Variants in CRNKL1 observed in about 807,000 individuals in gnomAD.
The protein encoded by CRNKL1 is crooked neck-like protein 1.
A neutral mutation model predicts 103.7 loss-of-function variants in CRNKL1; 35 were observed. The ratio of observed to expected loss-of-function variants is 0.34; its 90% CI spans 0.26 to 0.45. The LOEUF (loss-of-function observed/expected upper bound fraction) is 0.45, where lower values mean the gene tolerates loss of function less well. CRNKL1 is among the 20% of genes least tolerant of loss of function. CRNKL1 has a pLI of 1.00. For synonymous variants in CRNKL1, 267 were observed against 282.6 expected (o/e 0.94, Z 0.55); for missense variants, 645 against 836.0 (o/e 0.77, Z 2.82).
chr20:20,040,345 G>GA (rs1243391748), intron 10 of CRNKL1, among the ~76,000 whole-genome samples: 3 of 142,054 alleles, frequency 2.1e-5, no homozygotes, highest in Admixed American at 7.0e-5. Flanking sequence ...AAAAAAAAAA[G>GA]AAAAAAAAAG....
intron 9 of CRNKL1, among the ~76,000 whole-genome samples, chr20:20,041,044 G>A (rs2043505043): frequency 6.6e-6 from 1 of 152,168 alleles, no homozygotes; most frequent in Non-Finnish European, 1.5e-5. Flanking sequence ...TGTATGGCAC[G>A]GTAGCCTCTG....
intron 8 of CRNKL1, 95 bp downstream of exon 8, chr20:20,042,230 C>A: frequency 8.6e-7 from 1 of 1,166,552 alleles, no homozygotes; most frequent in South Asian, 2.0e-5. Context: ...ACTAAATTTC[C>A]TTCTTTCAAG....
At chr20:20,049,852 C>T (rs1404321269) in intron 2 of CRNKL1, among the ~76,000 whole-genome samples, 3 of 150,778 alleles carry the variant, frequency 2.0e-5, no homozygotes, top group Non-Finnish European at 4.4e-5. Flanking sequence ...AAGTCTTGCT[C>T]TGTCGCCCAG....
At chr20:20,047,988 G>A (rs1600252309) in intron 4 of CRNKL1, 57 bp from the exon 5 acceptor site, 2 of 1,532,684 alleles carry the variant, frequency 1.3e-6, no homozygotes, top group East Asian at 2.3e-5. Context: ...ATTGTTGAAT[G>A]GGAAGAAGAT....
rs2043405737 is a variant in CRNKL1, at chr20:20,035,505, G to A, written c.*690C>T. ...TTAGACTAAATTCTTAGTAAACAAT[G>A]TTTTCTGAACCTTGTTCAGAAATAT... On this transcript the variant is annotated 3_prime_UTR_variant, in exon 14 of 14. Coordinates refer to ENST00000536226, the MANE Select transcript of CRNKL1 (RefSeq NM_001278628.2). 6.6e-6 allele frequency: 1 copy of A among 152,154 alleles called. No individual in the cohort carries two copies. Among genetic ancestry groups the A allele is most frequent in the South Asian group, 2.1e-4 (1 of 4,828 alleles). 9.4% of individuals were successfully genotyped at this position (152,154 alleles called of 1,614,324 possible). A position where few individuals can be genotyped will look rare whatever the true frequency, so the allele number is the denominator to read the frequency against.
intron 1 of CRNKL1, among the ~76,000 whole-genome samples, chr20:20,050,908 G>A (rs2146506439): frequency 6.6e-6 from 1 of 152,322 alleles, no homozygotes; most frequent in African/African-American, 2.4e-5. Flanking sequence ...AATAAACTTT[G>A]AGGCCGTCTA....
Position 20,039,528 on chromosome 20 carries a change from T to G in CRNKL1, c.1545+81A>C. ...GTTAGATCATCGTTATACTCTAAAA[T>G]ACACCCACATTTAGATGGTCATCTA... On this transcript the variant is annotated intron_variant, in intron 11 of 13. Coordinates refer to ENST00000536226, the MANE Select transcript of CRNKL1 (RefSeq NM_001278628.2). 2.0e-6 allele frequency: 3 copies of G among 1,511,082 alleles called. No individual in the cohort carries two copies. The South Asian group carries it at 3.6e-5, about 18-fold the overall frequency. 93.6% of individuals were successfully genotyped at this position (1,511,082 alleles called of 1,614,324 possible). A position where few individuals can be genotyped will look rare whatever the true frequency, so the allele number is the denominator to read the frequency against.
chr20:20,039,418 G>T (rs906700659), intron 11 of CRNKL1, among the ~76,000 whole-genome samples, 191 bp downstream of exon 11: 7 of 152,100 alleles, frequency 4.6e-5, no homozygotes, highest in Non-Finnish European at 8.8e-5. Context: ...TACTGCTCTG[G>T]TATCTAATGA....
chr20:20,049,267 TTTC>T (rs947669883), intron 3 of CRNKL1, 70 bp downstream of exon 3: 13 of 916,108 alleles, frequency 1.4e-5, no homozygotes, highest in African/African-American at 3.3e-5. Context: ...GCTTTAACTT[TTTC>T]TTCTTTTCTT....
chr20:20,037,402 G>A lies in CRNKL1; in HGVS notation c.1817C>T (p.Thr606Ile), dbSNP rs1476717035. 1.2e-6 allele frequency: 2 copies of A among 1,613,994 alleles called. No individual in the cohort carries two copies. The highest frequency in any genetic ancestry group is 2.7e-5 in the African/African-American group (2 of 74,918). ...GTCTACTCTCTCCTTATCTGAAGCT[G>A]TTCCAAATTCTTCTTCAAAACTTCG... ...SWRSFEEEFG[T>I]ASDKERVDKL... The change falls in exon 13 of 14, where the codon ACA (threonine) becomes ATA (isoleucine). Residue 606 changes from threonine (T) to isoleucine (I), a missense_variant. This residue lies in a region of CRNKL1 where 582 missense variants were observed against 707.7 expected (regional missense o/e 0.82). Transcript: ENST00000536226.
upstream of CRNKL1, chr20:20,052,705 C>T: frequency 6.2e-7 from 1 of 1,610,878 alleles, no homozygotes; most frequent in Non-Finnish European, 8.5e-7. Flanking sequence ...ACGAGTGGCT[C>T]TGTCGAGCCG....
In CRNKL1 at chr20:20,037,328, C is replaced by T; in HGVS notation, c.1891G>A (p.Asp631Asn). ...VKKRRKVQTD[D>N]GSDAGWEEYF... ...TCCCAGGGCAGAGTTCTTACCCCATCATCAGTCTGGACCTTTCTTCTCTTC... is the reference window on the plus strand; with the variant it reads ...TCCCAGGGCAGAGTTCTTACCCCATTATCAGTCTGGACCTTTCTTCTCTTC... The change falls in exon 13 of 14, where the codon GAT becomes AAT. Residue 631 changes from aspartate to asparagine, a missense_variant. Asp to Asn is a conservative substitution (Grantham distance 23, BLOSUM62 1). Around this residue, in one of 2 missense-constraint regions of CRNKL1, gnomAD observed 582 missense variants for 707.7 expected, o/e 0.82. Coordinates refer to ENST00000536226, the MANE Select transcript of CRNKL1 (RefSeq NM_001278628.2). 1 of 1,613,648 alleles carries T rather than the reference C, an allele frequency of 6.2e-7. No homozygotes were observed. The highest frequency in any genetic ancestry group is 1.3e-5 in the African/African-American group (1 of 74,992).
At chr20:20,048,300 T>C in intron 4 of CRNKL1, 43 bp downstream of exon 4, 1 of 1,602,726 alleles carries the variant, frequency 6.2e-7, no homozygotes, top group Non-Finnish European at 8.5e-7. Context: ...ATGTGGAACT[T>C]TGCTAGTCTA....
chr20:20,051,638 C>G (rs1192926335), intron 1 of CRNKL1, among the ~76,000 whole-genome samples: 2 of 152,174 alleles, frequency 1.3e-5, no homozygotes, highest in East Asian at 3.8e-4. Flanking sequence ...GAGAGTCATC[C>G]GGGCTCAAGA....
rs1390974655 is a variant in CRNKL1 at position 20,034,888 on chromosome 20, A to C, written c.*1307T>G. On this transcript the variant is annotated 3_prime_UTR_variant, in exon 14 of 14. Transcript: ENST00000536226. ...ATAAGATGTGCACATTTAATAATAA[A>C]TTTGCTTACTAAAGGTCCTTTTAGG... The C allele has an allele frequency of 2.0e-5, 3 of 152,216 alleles. No homozygotes were observed. Among genetic ancestry groups the C allele is most frequent in the Admixed American group, 2.0e-4 (3 of 15,286 alleles). The allele number at this position is 152,216 out of a possible 1,614,324, so 9.4% of individuals were successfully genotyped here. A position where few individuals can be genotyped will look rare whatever the true frequency, so the allele number is the denominator to read the frequency against.
chr20:20,047,636 A>C, intron 5 of CRNKL1, 129 bp downstream of exon 5: 1 of 865,152 alleles, frequency 1.2e-6, no homozygotes, highest in Non-Finnish European at 1.7e-6. Context: ...AGGGAAGCTG[A>C]TAAACTGGCA....
chr20:20,040,949 C>T (rs1394469908), intron 9 of CRNKL1, among the ~76,000 whole-genome samples, 183 bp from the exon 10 acceptor site: 1 of 152,108 alleles, frequency 6.6e-6, no homozygotes, highest in Admixed American at 6.6e-5. Flanking sequence ...AGTTAGAAAC[C>T]CACATACCAT....
chr20:20,052,672 G>A (rs142988900), upstream of CRNKL1: 27,907 of 1,613,200 alleles, frequency 0.017, 318 homozygotes, highest in Non-Finnish European at 0.018. Context: ...GTCAGCCTCC[G>A]GAACTGGGAT....
chr20:20,051,308 T>C (rs2043720535), intron 1 of CRNKL1, among the ~76,000 whole-genome samples: 1 of 152,270 alleles, frequency 6.6e-6, no homozygotes. Context: ...GATAATATTT[T>C]GGATACATTA....
Sources: gnomAD v4.1 joint callset for allele counts (sites outside exome capture counted in the v4.1 genomes callset) on GRCh38, gnomAD v4.1.1 for gene constraint, gnomAD v4.1.1 regional missense constraint, MANE v1.5 for transcripts, NCBI Gene and HGNC (gene_info 2026-07-23, HGNC 2026-07-21) for gene names.